CYREN: variants seen among roughly 807,000 people sequenced by gnomAD.
The protein encoded by CYREN is cell cycle regulator of non-homologous end joining.
Under a neutral mutation model 9.7 loss-of-function variants are expected in CYREN, and 7 were observed. The ratio of observed to expected loss-of-function variants is 0.72; its 90% CI spans 0.41 to 1.36. CYREN has a LOEUF of 1.36. CYREN is among the 40% of genes most tolerant of loss of function. The pLI, the probability that CYREN is intolerant of heterozygous loss-of-function variation, is 0.01. For missense variants in CYREN, 215 were observed against 198.1 expected (o/e 1.09, Z -0.51); for synonymous variants, 76 against 77.9 (o/e 0.98, Z 0.13).
At chr7:135,122,982 T>C (rs1272587499) in intron 2 of CYREN, among the ~76,000 whole-genome samples, 2 of 152,004 alleles carry the variant, frequency 1.3e-5, no homozygotes, top group African/African-American at 4.8e-5. Context: ...CCAGAGTGCC[T>C]CCTCTCCTCC....
At chr7:135,121,865 C>T (rs961124506) in intron 2 of CYREN, among the ~76,000 whole-genome samples, 13 of 152,144 alleles carry the variant, frequency 8.5e-5, no homozygotes, top group Non-Finnish European at 1.8e-4. Flanking sequence ...GCTACCCAGC[C>T]GGGGAAACCG....
At chr7:135,161,908 T>G (rs970345728), downstream of CYREN, among the ~76,000 whole-genome samples, 1 of 152,206 alleles carries the variant, frequency 6.6e-6, no homozygotes, top group Admixed American at 6.5e-5. The surrounding 1 kb of genome is among the most constrained non-coding windows in gnomAD (Gnocchi z 4.1). Flanking sequence ...GACTGCCCAG[T>G]GCTGCTGAGT....
intron 2 of CYREN, among the ~76,000 whole-genome samples, chr7:135,144,776 T>TA (rs1829512436): frequency 4.1e-5 from 6 of 148,074 alleles, no homozygotes; most frequent in Admixed American, 2.0e-4. Flanking sequence ...ATAATAATAA[T>TA]ATAAAAATTA....
chr7:135,164,213 C>T (rs996973885), downstream of CYREN, among the ~76,000 whole-genome samples: 9 of 152,242 alleles, frequency 5.9e-5, no homozygotes, highest in African/African-American at 2.2e-4. Flanking sequence ...TTCCTCCTGA[C>T]CTCAAATCAG....
At chr7:135,109,572 A>G (rs554835286) in intron 2 of CYREN, among the ~76,000 whole-genome samples, 3 of 151,946 alleles carry the variant, frequency 2.0e-5, no homozygotes, top group East Asian at 3.9e-4. Context: ...GGTACCAACA[A>G]TGAAGGTCGT....
chr7:135,168,627 C>T, intron 2 of CYREN, 159 bp downstream of exon 2: 3 of 1,191,652 alleles, frequency 2.5e-6, no homozygotes, highest in Non-Finnish European at 3.5e-6. Flanking sequence ...TTGCCTCCCG[C>T]CCACAGCCCC....
chr7:135,107,643 T>C lies in CYREN; in HGVS notation n.357-13061A>G, dbSNP rs1028931419. ...AATTGTTTTATGTCTGATTGTGTAG[T>C]CAATTTTAGAGTATGTACCATATGG... On this transcript the variant is annotated intron_variant and non_coding_transcript_variant, in intron 2 of 2. Coordinates refer to the CYREN transcript ENST00000459937. Among the ~76,000 whole-genome samples, 4 of 152,216 alleles carry C rather than the reference T, an allele frequency of 2.6e-5. No individual in the cohort carries two copies. The East Asian group carries it at 7.7e-4, about 29-fold the overall frequency.
chr7:135,139,937 C>T (rs944427444), intron 2 of CYREN, among the ~76,000 whole-genome samples: 1 of 151,896 alleles, frequency 6.6e-6, no homozygotes, highest in Non-Finnish European at 1.5e-5. Context: ...TGTTTTTGTA[C>T]CAGTACCATG....
intron 2 of CYREN, among the ~76,000 whole-genome samples, chr7:135,096,433 G>GAA (rs1352606742): frequency 5.7e-5 from 7 of 123,606 alleles, no homozygotes; most frequent in African/African-American, 1.7e-4. Flanking sequence ...GAAAGAAAGA[G>GAA]ATATATATGG....
At chr7:135,094,661 G>A (rs1822382470) in intron 2 of CYREN, 1 of 378,168 alleles carries the variant, frequency 2.6e-6, no homozygotes, top group Non-Finnish European at 5.1e-6. Flanking sequence ...CTCTCTTAGG[G>A]TGTTAACTCT....
intron 2 of CYREN, among the ~76,000 whole-genome samples, chr7:135,133,095 ACAC>A (rs1462097913): frequency 7.2e-6 from 1 of 138,124 alleles, no homozygotes; most frequent in African/African-American, 2.7e-5. Context: ...ACACACACAC[ACAC>A]AACCTTTAGA....
At chr7:135,126,422 G>C (rs1224818991) in intron 2 of CYREN, among the ~76,000 whole-genome samples, 2 of 152,246 alleles carry the variant, frequency 1.3e-5, no homozygotes, top group Middle Eastern at 3.4e-3. Flanking sequence ...TTCCATCCTC[G>C]TGGATAGGAA....
chr7:135,172,077 T>C (rs1830683292), upstream of CYREN, among the ~76,000 whole-genome samples: 1 of 151,856 alleles, frequency 6.6e-6, no homozygotes, highest in South Asian at 2.1e-4. Flanking sequence ...TGACTTGGCT[T>C]GACTTGGTAA....
At chr7:135,158,394 C>G (rs529643718) in intron 2 of CYREN, among the ~76,000 whole-genome samples, 1 of 152,318 alleles carries the variant, frequency 6.6e-6, no homozygotes, top group South Asian at 2.1e-4. Flanking sequence ...ATTAAACTCT[C>G]AAAATAGCAC....
At chr7:135,135,169 A>T (rs779785507) in intron 2 of CYREN, 77 of 1,550,850 alleles carry the variant, frequency 5.0e-5, no homozygotes, top group Non-Finnish European at 6.4e-5. Context: ...CTCTAAGCAT[A>T]CAGCCCTCCA....
At chr7:135,146,986 T>C (rs958638449) in intron 2 of CYREN, among the ~76,000 whole-genome samples, 1 of 152,334 alleles carries the variant, frequency 6.6e-6, no homozygotes, top group Non-Finnish European at 1.5e-5. Flanking sequence ...AACTACTGTA[T>C]ATTAGTATCT....
chr7:135,095,932 A>G (rs1036820599), intron 2 of CYREN, among the ~76,000 whole-genome samples: 6 of 152,166 alleles, frequency 3.9e-5, no homozygotes, highest in Non-Finnish European at 7.3e-5. Flanking sequence ...CAGGCAGATC[A>G]CCTGAGGTCA....
chr7:135,098,341 T>C (rs1823236447), intron 2 of CYREN, among the ~76,000 whole-genome samples: 4 of 152,220 alleles, frequency 2.6e-5, no homozygotes. Flanking sequence ...CAGTATGCTT[T>C]AAGTCATCTC....
At chr7:135,150,251 C>T (rs1016901058) in intron 2 of CYREN, among the ~76,000 whole-genome samples, 3 of 152,190 alleles carry the variant, frequency 2.0e-5, no homozygotes, top group Non-Finnish European at 4.4e-5. Context: ...GGACTCAAAA[C>T]AAATATCTCT....
Sources: gnomAD v4.1 joint callset for allele counts (sites outside exome capture counted in the v4.1 genomes callset) on GRCh38, gnomAD v4.1.1 for gene constraint, Gnocchi (gnomAD v3.1) non-coding constraint, MANE v1.5 for transcripts, NCBI Gene and HGNC (gene_info 2026-07-23, HGNC 2026-07-21) for gene names.